The following CNTN5 variants were observed in gnomAD, a reference collection of about 807,000 sequenced individuals.
The protein encoded by CNTN5 is contactin 5.
Under a neutral mutation model 129.1 loss-of-function variants are expected in CNTN5, and 77 were observed. The observed-to-expected ratio is 0.60, with a 90% CI of 0.50 to 0.72. The LOEUF (loss-of-function observed/expected upper bound fraction) is 0.72, where lower values mean the gene tolerates loss of function less well. Ranked by LOEUF, CNTN5 falls within the 30% of genes least tolerant of loss-of-function variation. The probability of loss-of-function intolerance (pLI) is 0.00; values close to 1 mark genes in which losing one functional copy is unlikely to be tolerated. For synonymous variants in CNTN5, 509 were observed against 465.6 expected, an observed-to-expected ratio of 1.09 and a Z score of -1.20; for missense variants, 1,478 against 1,328.8, an observed-to-expected ratio of 1.11 and a Z score of -1.75.
chr11:99,985,492 G>A (rs1396093100), intron 8 of CNTN5, among the ~76,000 whole-genome samples: 5 of 152,056 alleles, frequency 3.3e-5, no homozygotes, highest in Non-Finnish European at 5.9e-5. Flanking sequence ...GGGTAGGGTG[G>A]GCTATAGGTA....
chr11:99,777,117 T>C (rs1038387412), intron 3 of CNTN5, among the ~76,000 whole-genome samples: 1 of 151,924 alleles, frequency 6.6e-6, no homozygotes, highest in Non-Finnish European at 1.5e-5. Flanking sequence ...TTAAAGAAAT[T>C]AAGTTGAACA....
In CNTN5 at chr11:99,985,361, C is replaced by A. The variant is rs142839915; in HGVS notation, c.878-16673C>A. Among the ~76,000 whole-genome samples, 391 of 152,168 alleles carry A rather than the reference C, an allele frequency of 2.6e-3. 1 individual carries two copies. Among genetic ancestry groups the A allele is most frequent in the African/African-American group, 9.1e-3 (380 of 41,542 alleles). The stretch of plus-strand genomic sequence containing the variant: ...AGGCAGGCAGTCTCCCCACAAAGTC[C>A]AGCTGGATCTTCCCTGAAGTCAAGT... On this transcript the variant is annotated intron_variant, in intron 8 of 24. Transcript: ENST00000524871.
chr11:99,225,221 A>G (rs1286409191), intron 1 of CNTN5, among the ~76,000 whole-genome samples: 2 of 152,184 alleles, frequency 1.3e-5, no homozygotes, highest in Admixed American at 6.6e-5. Context: ...ATAGAAAGGT[A>G]GGCAGAAAAT....
chr11:99,852,394 C>T (rs1947901040), intron 6 of CNTN5, among the ~76,000 whole-genome samples: 1 of 152,168 alleles, frequency 6.6e-6, no homozygotes, highest in African/African-American at 2.4e-5. Context: ...CCAGGCTGGT[C>T]TTGAGCTCGT....
chr11:99,028,389 T>G (rs1279076046), intron 1 of CNTN5, among the ~76,000 whole-genome samples: 1 of 151,822 alleles, frequency 6.6e-6, no homozygotes, highest in Non-Finnish European at 1.5e-5. Flanking sequence ...AATACACCCA[T>G]AGGGTGAATA....
intron 17 of CNTN5, among the ~76,000 whole-genome samples, chr11:100,269,155 T>C (rs1235958374): frequency 6.6e-6 from 1 of 152,178 alleles, no homozygotes; most frequent in Non-Finnish European, 1.5e-5. Flanking sequence ...TTTTGAAAAG[T>C]GTTTCAAAGG....
intron 13 of CNTN5, among the ~76,000 whole-genome samples, chr11:100,138,346 T>C (rs745956184): frequency 2.6e-5 from 4 of 152,042 alleles, no homozygotes; most frequent in Non-Finnish European, 5.9e-5. Flanking sequence ...GGCGCTTTTC[T>C]AGGTACCGGG....
chr11:99,984,042 C>G (rs1938517170), intron 8 of CNTN5, among the ~76,000 whole-genome samples: 1 of 152,066 alleles, frequency 6.6e-6, no homozygotes, highest in South Asian at 2.1e-4. Context: ...CTGAGGCAGG[C>G]AGATCACTTG....
intron 9 of CNTN5, among the ~76,000 whole-genome samples, chr11:100,033,984 C>G (rs1434176623): frequency 6.6e-6 from 1 of 152,204 alleles, no homozygotes; most frequent in Non-Finnish European, 1.5e-5. Context: ...AAAGACATTT[C>G]TATCTCTAAT....
At chr11:99,420,783 A>G (rs1335405749) in intron 2 of CNTN5, among the ~76,000 whole-genome samples, 1 of 152,188 alleles carries the variant, frequency 6.6e-6, no homozygotes, top group African/African-American at 2.4e-5. Context: ...TATGGGCAAG[A>G]TAGACATTTT....
chr11:99,386,274 G>A lies in CNTN5; in HGVS notation c.-71+60790G>A, dbSNP rs181527564. 2.0e-3 allele frequency among the ~76,000 whole-genome samples: 307 copies of A among 152,306 alleles called. 1 individual carries two copies. The highest frequency in any genetic ancestry group is 3.4e-3 in the Middle Eastern group (1 of 294). ...TCACACAAGAAAGAATTCAGGATGAGTCCACAGTGCAAAGCAAAAACAAAT... is the reference window on the plus strand; with the variant it reads ...TCACACAAGAAAGAATTCAGGATGAATCCACAGTGCAAAGCAAAAACAAAT... On this transcript the variant is annotated intron_variant, in intron 2 of 24. Coordinates refer to ENST00000524871, the MANE Select transcript of CNTN5 (RefSeq NM_014361.4).
chr11:99,533,345 G>A (rs1947785116), intron 2 of CNTN5, among the ~76,000 whole-genome samples: 1 of 152,208 alleles, frequency 6.6e-6, no homozygotes, highest in African/African-American at 2.4e-5. Flanking sequence ...CTGATATCCA[G>A]CAGCTAAAAC....
chr11:100,080,360 C>A (rs1467586504), intron 13 of CNTN5, among the ~76,000 whole-genome samples: 1 of 152,014 alleles, frequency 6.6e-6, no homozygotes, highest in Non-Finnish European at 1.5e-5. Context: ...GACATAATGG[C>A]CCCCTGCTCA....
At position 99,781,855 on chromosome 11, in the gene CNTN5, C is replaced by T. The variant is rs189053867; in HGVS notation, c.56-37689C>T. 1.4e-3 allele frequency among the ~76,000 whole-genome samples: 213 copies of T among 152,184 alleles called. 1 individual carries two copies. Among genetic ancestry groups the T allele is most frequent in the African/African-American group, 4.8e-3 (199 of 41,528 alleles). ...AATAATAAGAGCTATCTATGACAAA[C>T]GCACAGCCAATATCATACTGAATGG... On this transcript the variant is annotated intron_variant, in intron 3 of 24. Coordinates refer to ENST00000524871, the MANE Select transcript of CNTN5 (RefSeq NM_014361.4).
At chr11:99,775,356 G>GT in intron 3 of CNTN5, among the ~76,000 whole-genome samples, 1 of 120,580 alleles carries the variant, frequency 8.3e-6, no homozygotes, top group Non-Finnish European at 1.9e-5. Flanking sequence ...GATTTCCTGG[G>GT]GATAAATGGT....
intron 13 of CNTN5, among the ~76,000 whole-genome samples, chr11:100,106,396 T>G (rs1945432907): frequency 6.6e-6 from 1 of 152,092 alleles, no homozygotes; most frequent in African/African-American, 2.4e-5. Context: ...GATGCAAAAT[T>G]TTGCTAATTT....
chr11:99,757,936 T>A (rs879925313), intron 3 of CNTN5, among the ~76,000 whole-genome samples: 2 of 152,124 alleles, frequency 1.3e-5, no homozygotes, highest in African/African-American at 2.4e-5. Flanking sequence ...GTTATTATTT[T>A]ATGATTATTA....
chr11:99,935,043 T>C (rs1389094183), intron 7 of CNTN5, among the ~76,000 whole-genome samples: 2 of 149,946 alleles, frequency 1.3e-5, no homozygotes, highest in Non-Finnish European at 3.0e-5. Flanking sequence ...GAAATACATC[T>C]CCAGCATATA....
chr11:100,007,138 T>C lies in CNTN5; in HGVS notation c.980+5002T>C, dbSNP rs77507741. ...TCAACAGTGGGCTTAAAATATTTAG[T>C]AAACCATGCTGTAAACATGCAGTGT... is the stretch of plus-strand genomic sequence containing the variant. On this transcript the variant is annotated intron_variant, in intron 9 of 24. Coordinates refer to ENST00000524871, the MANE Select transcript of CNTN5 (RefSeq NM_014361.4). Among the ~76,000 whole-genome samples, 1,344 of 152,216 alleles carry C rather than the reference T, an allele frequency of 8.8e-3. 8 individuals carry two copies. Among genetic ancestry groups the C allele is most frequent in the Non-Finnish European group, 0.014 (957 of 67,980 alleles).
Sources: allele counts gnomAD v4.1 joint callset (sites outside exome capture counted in the v4.1 genomes callset), GRCh38; gene constraint gnomAD v4.1.1; transcripts MANE v1.5; gene names NCBI Gene and HGNC (gene_info 2026-07-23, HGNC 2026-07-21).